LUZP2: variants seen among roughly 807,000 people sequenced by gnomAD.
The protein encoded by LUZP2 is leucine zipper protein 2.
Under a neutral mutation model 51.6 loss-of-function variants are expected in LUZP2, and 52 were observed. The observed-to-expected ratio is 1.01, with a 90% CI of 0.81 to 1.27. The LOEUF (loss-of-function observed/expected upper bound fraction) is 1.27, where lower values mean the gene tolerates loss of function less well. Ranked by LOEUF, LUZP2 falls within the 50% of genes most tolerant of loss-of-function variation. The probability of loss-of-function intolerance (pLI) is 0.00; values close to 1 mark genes in which losing one functional copy is unlikely to be tolerated. For missense variants in LUZP2, 436 were observed against 395.4 expected, an observed-to-expected ratio of 1.10 and a Z score of -0.87; for synonymous variants, 154 against 137.3, an observed-to-expected ratio of 1.12 and a Z score of -0.85.
At chr11:24,743,751 C>T (rs1032787291) in intron 4 of LUZP2, among the ~76,000 whole-genome samples, 2 of 152,118 alleles carry the variant, frequency 1.3e-5, no homozygotes, top group Admixed American at 6.5e-5. Flanking sequence ...TAAAAGTGAA[C>T]CATCTTTGTC....
chr11:24,830,908 G>A (rs1411790384), intron 5 of LUZP2, among the ~76,000 whole-genome samples: 1 of 152,006 alleles, frequency 6.6e-6, no homozygotes, highest in South Asian at 2.1e-4. Context: ...GCAGGAGAAT[G>A]GCGTGAACCC....
rs181921478 is a variant in LUZP2 at position 24,952,767 on chromosome 11, T to C, written c.523-23824T>C. Reference sequence around the variant, plus strand: ...TGTTCTACTGTTTGACTTATATAAATTGATCAGAACTTGCTGTGTAACACT... The same window carrying C: ...TGTTCTACTGTTTGACTTATATAAACTGATCAGAACTTGCTGTGTAACACT... On this transcript the variant is annotated intron_variant, in intron 7 of 11. Coordinates refer to ENST00000336930, the MANE Select transcript of LUZP2 (RefSeq NM_001009909.4). 4.6e-5 allele frequency among the ~76,000 whole-genome samples: 7 copies of C among 152,074 alleles called. No homozygotes were observed. In the East Asian group the frequency reaches 9.7e-4, roughly 21 times the overall value.
At chr11:24,889,256 G>A (rs1309733257) in intron 5 of LUZP2, among the ~76,000 whole-genome samples, 3 of 152,068 alleles carry the variant, frequency 2.0e-5, no homozygotes, top group East Asian at 3.9e-4. Flanking sequence ...ACATGTGGGT[G>A]GGGGGCAAAA....
chr11:24,829,135 A>G (rs909701911), intron 5 of LUZP2, among the ~76,000 whole-genome samples: 1 of 152,202 alleles, frequency 6.6e-6, no homozygotes, highest in Non-Finnish European at 1.5e-5. Context: ...AGGAGGAAGC[A>G]GATAAGCCTG....
chr11:24,858,155 A>G (rs568920819), intron 5 of LUZP2, among the ~76,000 whole-genome samples: 1 of 152,264 alleles, frequency 6.6e-6, no homozygotes, highest in South Asian at 2.1e-4. Flanking sequence ...GTTTCAGCAA[A>G]TCCTCTGAGG....
At chr11:24,894,530 G>A (rs1244665684) in intron 5 of LUZP2, among the ~76,000 whole-genome samples, 1 of 151,768 alleles carries the variant, frequency 6.6e-6, no homozygotes, top group East Asian at 1.9e-4. Context: ...TGTGTTGTAT[G>A]GGTATATTGT....
intron 1 of LUZP2, among the ~76,000 whole-genome samples, chr11:24,628,119 A>C (rs1854747038): frequency 6.6e-6 from 1 of 152,080 alleles, no homozygotes; most frequent in South Asian, 2.1e-4. Flanking sequence ...CACTGTTTTA[A>C]GATGCGTACT....
chr11:24,634,591 T>C (rs1855011278), intron 1 of LUZP2, among the ~76,000 whole-genome samples: 1 of 151,596 alleles, frequency 6.6e-6, no homozygotes, highest in Admixed American at 6.6e-5. Context: ...TGTTTTGCAT[T>C]ACTGCTTTTT....
Position 24,646,657 on chromosome 11 carries a change from A to G in LUZP2, c.63-82512A>G, listed in dbSNP as rs61875708. The G allele has an allele frequency of 3.6e-3, 3,351 of 927,338 alleles. 11 individuals are homozygous for G. The highest frequency in any genetic ancestry group is 4.0e-3 in the Non-Finnish European group (3,106 of 777,058). 57.4% of individuals were successfully genotyped at this position (927,338 alleles called of 1,614,324 possible). A position where few individuals can be genotyped will look rare whatever the true frequency, so the allele number is the denominator to read the frequency against. On this transcript the variant is annotated intron_variant, in intron 1 of 11. Coordinates refer to ENST00000336930, the MANE Select transcript of LUZP2 (RefSeq NM_001009909.4). The stretch of plus-strand genomic sequence containing the variant: ...CATTCCTCTTTAATCAAGAAAGCAA[A>G]TTATTTCCCACAACTCCCCAAAAGA...
At chr11:24,699,498 G>A (rs1857355310) in intron 1 of LUZP2, among the ~76,000 whole-genome samples, 1 of 151,982 alleles carries the variant, frequency 6.6e-6, no homozygotes, top group Non-Finnish European at 1.5e-5. Flanking sequence ...TCAGATATGA[G>A]TATCTTGTTT....
intron 1 of LUZP2, among the ~76,000 whole-genome samples, chr11:24,726,265 T>C (rs540673874): frequency 6.6e-6 from 1 of 152,222 alleles, no homozygotes; most frequent in South Asian, 2.1e-4. Context: ...TTTTCACTCA[T>C]GCCATTAGCA....
chr11:24,797,793 T>C (rs1257987150), intron 5 of LUZP2, among the ~76,000 whole-genome samples: 1 of 152,198 alleles, frequency 6.6e-6, no homozygotes, highest in African/African-American at 2.4e-5. Flanking sequence ...GTTCTATTTA[T>C]TGATAAAGTT....
At chr11:24,530,954 A>G (rs1264471108) in intron 1 of LUZP2, among the ~76,000 whole-genome samples, 1 of 149,646 alleles carries the variant, frequency 6.7e-6, no homozygotes, top group African/African-American at 2.4e-5. Flanking sequence ...ATGGCTCCCT[A>G]TAACATCTGT....
chr11:24,748,711 C>T (rs1263175591), intron 4 of LUZP2, among the ~76,000 whole-genome samples: 3 of 152,116 alleles, frequency 2.0e-5, no homozygotes, highest in African/African-American at 7.2e-5. Context: ...CCCCCCTTGG[C>T]CTCCCAATGT....
intron 1 of LUZP2, among the ~76,000 whole-genome samples, chr11:24,583,250 CTTATTTTAGTGTTCAAACAAG>C (rs1852938236): frequency 6.6e-6 from 1 of 151,920 alleles, no homozygotes; most frequent in Non-Finnish European, 1.5e-5. Flanking sequence ...TCTATTTTAA[CTTATTTTAGTGTTCAAACAAG>C]CCAGCATACA....
At chr11:24,607,321 A>G (rs1853956764) in intron 1 of LUZP2, among the ~76,000 whole-genome samples, 1 of 126,618 alleles carries the variant, frequency 7.9e-6, no homozygotes, top group Non-Finnish European at 1.6e-5. Context: ...TGTGTGTGGT[A>G]TAAGATGGGG....
At chr11:24,900,588 A>G (rs896563799) in intron 5 of LUZP2, among the ~76,000 whole-genome samples, 11 of 152,160 alleles carry the variant, frequency 7.2e-5, no homozygotes, top group African/African-American at 2.4e-4. Context: ...AGGTTTCTCT[A>G]TACATAGTGA....
chr11:24,528,406 G>T (rs1850887093), intron 1 of LUZP2, among the ~76,000 whole-genome samples: 1 of 151,234 alleles, frequency 6.6e-6, no homozygotes, highest in South Asian at 2.1e-4. Flanking sequence ...AGGGGAGCAG[G>T]ATTATTTGGA....
intron 1 of LUZP2, among the ~76,000 whole-genome samples, chr11:24,689,087 T>C (rs1485507969): frequency 6.6e-6 from 1 of 152,090 alleles, no homozygotes; most frequent in East Asian, 1.9e-4. Flanking sequence ...AGTGAAAGTT[T>C]ATGAAAACGT....
Sources: allele counts gnomAD v4.1 joint callset (sites outside exome capture counted in the v4.1 genomes callset), GRCh38; gene constraint gnomAD v4.1.1; transcripts MANE v1.5; gene names NCBI Gene and HGNC (gene_info 2026-07-23, HGNC 2026-07-21).